Variants in FGF3 observed in about 807,000 individuals in gnomAD.
The protein encoded by FGF3 is FGF-3.
In FGF3, 7 loss-of-function variants were observed where a neutral mutation model predicts 9.8. The ratio of observed to expected loss-of-function variants is 0.72; its 90% CI spans 0.41 to 1.35. The LOEUF (loss-of-function observed/expected upper bound fraction) is 1.35, where lower values mean the gene tolerates loss of function less well. FGF3 is among the 40% of genes most tolerant of loss of function. The pLI is 0.01. For synonymous variants in FGF3, 173 were observed against 157.2 expected (o/e 1.10, Z -0.75); for missense variants, 390 against 345.6 (o/e 1.13, Z -1.02).
At chr11:69,813,515 T>G (rs1308004025) in intron 2 of FGF3, among the ~76,000 whole-genome samples, 1 of 151,156 alleles carries the variant, frequency 6.6e-6, no homozygotes, top group Non-Finnish European at 1.5e-5. Context: ...GGACACTGAC[T>G]GGTGAACGAA....
chr11:69,813,052 G>C (rs1299469585), intron 2 of FGF3, among the ~76,000 whole-genome samples: 2 of 152,154 alleles, frequency 1.3e-5, no homozygotes, highest in East Asian at 3.9e-4. Context: ...ACTTTCCAAT[G>C]TGTGTCCTGA....
At chr11:69,812,879 G>A (rs1856050934) in intron 2 of FGF3, among the ~76,000 whole-genome samples, 1 of 152,150 alleles carries the variant, frequency 6.6e-6, no homozygotes, top group African/African-American at 2.4e-5. Context: ...GGTGGCAGGG[G>A]GCTCAGGCTC....
At position 69,813,740 on chromosome 11, in the gene FGF3, A is replaced by ATGGGTGGATGGGTGGATGGCTGGT. The variant is rs1554980738; in HGVS notation, c.324+2579_324+2580insACCAGCCATCCACCCATCCACCCA. 4.3e-4 allele frequency among the ~76,000 whole-genome samples: 34 copies of ATGGGTGGATGGGTGGATGGCTGGT among 78,414 alleles called. 10 individuals are homozygous for ATGGGTGGATGGGTGGATGGCTGGT. The highest frequency in any genetic ancestry group is 5.2e-4 in the Non-Finnish European group (19 of 36,638). The allele number at this position is 78,414 out of a possible 152,430, so 51.4% of individuals were successfully genotyped here. A position where few individuals can be genotyped will look rare whatever the true frequency, so the allele number is the denominator to read the frequency against. ...GATAGGTGGATGGATGGATGGGTGG[A>ATGGGTGGATGGGTGGATGGCTGGT]TGGCTGGATGGATGGATGGGTGGAT... On this transcript the variant is annotated intron_variant, in intron 2 of 2. Coordinates refer to ENST00000334134, the MANE Select transcript of FGF3 (RefSeq NM_005247.4).
intron 1 of FGF3, among the ~76,000 whole-genome samples, chr11:69,818,406 G>T (rs1395650281): frequency 2.0e-5 from 3 of 152,100 alleles, no homozygotes; most frequent in Admixed American, 2.0e-4. Context: ...GGGCCGGACC[G>T]GGGACGGACT....
At chr11:69,815,137 A>ATAGGTGGATG (rs1565115615) in intron 2 of FGF3, among the ~76,000 whole-genome samples, 2 of 87,956 alleles carry the variant, frequency 2.3e-5, no homozygotes, top group African/African-American at 4.3e-5. Flanking sequence ...ATGGATGGAT[A>ATAGGTGGATG]GGTGGATGGG....
chr11:69,811,029 G>A (rs1450980162), intron 2 of FGF3, among the ~76,000 whole-genome samples: 1 of 152,256 alleles, frequency 6.6e-6, no homozygotes, highest in African/African-American at 2.4e-5. Context: ...GATGTGTAGG[G>A]TTGTCTGTGG....
Position 69,810,043 on chromosome 11 carries a change from T to C in FGF3, c.*262A>G. 2.2e-6 allele frequency: 1 copy of C among 454,500 alleles called. No homozygotes were observed. The highest frequency in any genetic ancestry group is 3.9e-6 in the Non-Finnish European group (1 of 257,774). 28.2% of individuals were successfully genotyped at this position (454,500 alleles called of 1,614,324 possible). The stretch of plus-strand genomic sequence containing the variant: ...GCTGCTCCTGGGAGGCTCCTCAGTC[T>C]GCCAGGGCTGGCACTCAGGCCCTTC... On this transcript the variant is annotated 3_prime_UTR_variant, in exon 3 of 3. Transcript: ENST00000334134.
At chr11:69,812,240 C>G (rs12049848) in intron 2 of FGF3, among the ~76,000 whole-genome samples, 74,087 of 151,404 alleles carry the variant, frequency 0.49, 18,333 homozygotes, top group East Asian at 0.61. Flanking sequence ...TGTCCCGTGG[C>G]AGAGAGAGAG....
Position 69,818,723 on chromosome 11 carries a change from T to A in FGF3, c.211A>T (p.Ser71Cys). Residue 71 changes from serine (S) to cysteine (C), a missense_variant, in exon 1 of 3, where the codon AGC becomes TGC. By Grantham distance (112) the Ser-to-Cys change is moderately radical. Coordinates refer to ENST00000334134, the MANE Select transcript of FGF3 (RefSeq NM_005247.4). ...AGCGTCCGGCACTCACTGTAGGCGC[T>A]GTTCTCCAGGCTGCCGTTGACGCGG... ...SGRVNGSLEN[S>C]AYSILEITAV... 1 of 1,487,774 alleles carries A rather than the reference T, an allele frequency of 6.7e-7. No homozygotes were observed. Among genetic ancestry groups the A allele is most frequent in the Non-Finnish European group, 8.9e-7 (1 of 1,125,504 alleles). 92.2% of individuals were successfully genotyped at this position (1,487,774 alleles called of 1,614,324 possible). A position where few individuals can be genotyped will look rare whatever the true frequency, so the allele number is the denominator to read the frequency against.
chr11:69,818,890 C>T lies in FGF3; in HGVS notation c.44G>A (p.Gly15Asp), dbSNP rs1554981444. ...CGCCCCAGGGCCCGCTGCGGGCCAG[C>T]CGGGCTCCAGCAGGCTGAGCAGTAG... ...WLLLLSLLEP[G>D]WPAAGPGARL... Residue 15 changes from glycine (G) to aspartate (D), a missense_variant, in exon 1 of 3, where the codon GGC (glycine) becomes GAC (aspartate). Gly to Asp is a moderately conservative substitution (Grantham distance 94). Transcript: ENST00000334134. 1 of 1,465,166 alleles carries T rather than the reference C, an allele frequency of 6.8e-7. No homozygotes were observed. Among genetic ancestry groups the T allele is most frequent in the Non-Finnish European group, 9.0e-7 (1 of 1,114,570 alleles). 90.8% of individuals were successfully genotyped at this position (1,465,166 alleles called of 1,614,324 possible). A position where few individuals can be genotyped will look rare whatever the true frequency, so the allele number is the denominator to read the frequency against.
intron 2 of FGF3, 35 bp from the exon 3 acceptor site, chr11:69,810,735 G>A: frequency 6.6e-7 from 1 of 1,517,060 alleles, no homozygotes; most frequent in Non-Finnish European, 8.9e-7. Flanking sequence ...AGTGCCCCGG[G>A]GAGACTGTGG....
chr11:69,818,017 C>T (rs1856168739), intron 1 of FGF3, among the ~76,000 whole-genome samples: 1 of 152,218 alleles, frequency 6.6e-6, no homozygotes, highest in Non-Finnish European at 1.5e-5. Context: ...CCGCACGTCC[C>T]GACGGCGAGG....
At chr11:69,816,498 A>G in intron 1 of FGF3, 75 bp from the exon 2 acceptor site, 1 of 1,130,118 alleles carries the variant, frequency 8.8e-7, no homozygotes, top group Non-Finnish European at 1.3e-6. Flanking sequence ...GGCCCTGCCC[A>G]AAGCCACACC....
chr11:69,811,926 T>C (rs1240589538), intron 2 of FGF3, among the ~76,000 whole-genome samples: 1 of 152,200 alleles, frequency 6.6e-6, no homozygotes, highest in African/African-American at 2.4e-5. Flanking sequence ...CCCCAAGACT[T>C]GGCCGTGGGA....
intron 2 of FGF3, 82 bp downstream of exon 2, chr11:69,816,238 C>T: frequency 1.8e-6 from 2 of 1,095,660 alleles, no homozygotes; most frequent in East Asian, 2.3e-5. Flanking sequence ...ATTCTACTGC[C>T]CACATCCCCC....
At position 69,810,703 on chromosome 11, in the gene FGF3, G is replaced by A. The variant is rs782625367; in HGVS notation, c.325-3C>T. 8.9e-6 allele frequency: 14 copies of A among 1,573,156 alleles called. No homozygotes were observed. Among genetic ancestry groups the A allele is most frequent in the Non-Finnish European group, 1.1e-5 (13 of 1,155,996 alleles). ...TCGCACTCGGCGCTGTAGTGCTCCTGCGGGGATGAGATATCATGGTCAGTG... is the reference window on the plus strand; with the variant it reads ...TCGCACTCGGCGCTGTAGTGCTCCTACGGGGATGAGATATCATGGTCAGTG... On this transcript the variant is annotated splice_polypyrimidine_tract_variant and splice_region_variant and intron_variant, in intron 2 of 2. Transcript: ENST00000334134.
chr11:69,811,923 A>G (rs1893048), intron 2 of FGF3, among the ~76,000 whole-genome samples: 83,171 of 151,662 alleles, frequency 0.55, 23,002 homozygotes, highest in East Asian at 0.62. Context: ...CATCCCCAAG[A>G]CTTGGCCGTG....
intron 2 of FGF3, among the ~76,000 whole-genome samples, chr11:69,814,251 G>A (rs1856092064): frequency 6.6e-6 from 1 of 152,044 alleles, no homozygotes; most frequent in African/African-American, 2.4e-5. Flanking sequence ...TGCTCTCAGG[G>A]ATGAGGCAGA....
intron 2 of FGF3, among the ~76,000 whole-genome samples, chr11:69,815,529 G>A (rs1358516927): frequency 6.6e-6 from 1 of 152,200 alleles, no homozygotes; most frequent in Non-Finnish European, 1.5e-5. Flanking sequence ...GCAGGACTGA[G>A]CAGAGAGCTC....
Sources: gnomAD v4.1 joint callset for allele counts (sites outside exome capture counted in the v4.1 genomes callset) on GRCh38, gnomAD v4.1.1 for gene constraint, MANE v1.5 for transcripts, NCBI Gene and HGNC (gene_info 2026-07-23, HGNC 2026-07-21) for gene names.